The following SDK2 variants were observed in gnomAD, a reference collection of about 807,000 sequenced individuals.
SDK2 encodes the protein protein sidekick-2.
Under a neutral mutation model 253.9 loss-of-function variants are expected in SDK2, and 105 were observed. The ratio of observed to expected loss-of-function variants is 0.41; its 90% CI spans 0.35 to 0.49. SDK2 has a LOEUF of 0.49. Ranked by LOEUF, SDK2 falls within the 20% of genes least tolerant of loss-of-function variation. The pLI is 0.06. For synonymous variants in SDK2, 1,249 were observed against 1,234.9 expected, an observed-to-expected ratio of 1.01 and a Z score of -0.24; for missense variants, 2,608 against 3,003.0, an observed-to-expected ratio of 0.87 and a Z score of 3.07.
At chr17:73,483,946 G>T (rs1443421795) in intron 2 of SDK2, among the ~76,000 whole-genome samples, 2 of 151,550 alleles carry the variant, frequency 1.3e-5, no homozygotes, top group South Asian at 2.1e-4. Flanking sequence ...AGTTTAAATG[G>T]CTGGGAAAAA....
rs1179316971 is a variant in SDK2, at chr17:73,642,419, G to C, written c.64+1606C>G. ...TCCAGGCTTTTGGCTAGTAACACTG[G>C]TTGTCCCAGAGCACAACTGTGAGGC... is the stretch of plus-strand genomic sequence containing the variant. On this transcript the variant is annotated intron_variant, in intron 1 of 44. Transcript: ENST00000392650. The surrounding 1 kb of genome is among the most constrained non-coding windows in gnomAD (Gnocchi z 4.7). 6.6e-6 allele frequency among the ~76,000 whole-genome samples: 1 copy of C among 152,224 alleles called. No individual in the cohort carries two copies. The highest frequency in any genetic ancestry group is 2.4e-5 in the African/African-American group (1 of 41,454).
intron 18 of SDK2, among the ~76,000 whole-genome samples, chr17:73,413,963 G>A (rs1033360497): frequency 6.6e-6 from 1 of 152,112 alleles, no homozygotes; most frequent in Admixed American, 6.5e-5. Context: ...AAGCCCACAA[G>A]AGCCACGGTA....
chr17:73,379,499 C>T lies in SDK2; in HGVS notation c.4813G>A (p.Val1605Met). Residue 1605 changes from valine to methionine, a missense_variant, in exon 35 of 45, where the codon GTG becomes ATG. Physicochemically the swap from Val to Met is conservative, Grantham distance 21. Around this residue, in one of 2 missense-constraint regions of SDK2, gnomAD observed 1,103 missense variants for 1,143.9 expected, o/e 0.96. Transcript: ENST00000392650. The surrounding 1 kb of genome is among the most constrained non-coding windows in gnomAD (Gnocchi z 4.5). ...GGGGGGCTGGAGGGCCCCTCACCCA[C>T]AGCGTTGTACACGCTCATCCGTATC... ...YEIRMSVYNA[V>M]GEGPSSPPQE... The T allele has an allele frequency of 6.2e-7, 1 of 1,612,742 alleles. No homozygotes were observed. The highest frequency in any genetic ancestry group is 8.5e-7 in the Non-Finnish European group (1 of 1,179,382).
intron 3 of SDK2, among the ~76,000 whole-genome samples, chr17:73,462,686 T>A (rs1292571327): frequency 1.3e-5 from 2 of 152,124 alleles, no homozygotes; most frequent in Non-Finnish European, 2.9e-5. Context: ...GATGGTTGTA[T>A]GTATGCATAC....
chr17:73,572,440 C>T (rs1015662186), intron 1 of SDK2, among the ~76,000 whole-genome samples: 3 of 152,132 alleles, frequency 2.0e-5, no homozygotes, highest in African/African-American at 7.2e-5. Flanking sequence ...CATCCACCCC[C>T]ACATCCTGAT....
chr17:73,529,888 T>G (rs2064156041), intron 1 of SDK2, among the ~76,000 whole-genome samples: 1 of 152,168 alleles, frequency 6.6e-6, no homozygotes, highest in African/African-American at 2.4e-5. Context: ...GCCACCCAGT[T>G]TGTGGTATTT....
intron 1 of SDK2, among the ~76,000 whole-genome samples, chr17:73,522,333 C>T (rs1309803044): frequency 6.6e-6 from 1 of 152,222 alleles, no homozygotes; most frequent in Non-Finnish European, 1.5e-5. Context: ...CCTGGCTGCT[C>T]ATGTGCCTGG....
chr17:73,566,801 G>T (rs2045317715), intron 1 of SDK2, among the ~76,000 whole-genome samples: 1 of 151,732 alleles, frequency 6.6e-6, no homozygotes, highest in Non-Finnish European at 1.5e-5. Context: ...TCAAAATGTG[G>T]CCTGGGTGCT....
intron 1 of SDK2, among the ~76,000 whole-genome samples, chr17:73,607,473 T>A (rs910954991): frequency 6.6e-6 from 1 of 152,042 alleles, no homozygotes; most frequent in Admixed American, 6.6e-5. Flanking sequence ...AAGACAAAGA[T>A]TGCTGCCCCT....
chr17:73,405,313 G>A (rs2063062703), intron 18 of SDK2, among the ~76,000 whole-genome samples: 2 of 127,490 alleles, frequency 1.6e-5, no homozygotes. Flanking sequence ...GGTGGCTGGC[G>A]CCTGTAATCC....
chr17:73,479,355 G>A (rs568852984), intron 2 of SDK2, among the ~76,000 whole-genome samples: 1 of 152,356 alleles, frequency 6.6e-6, no homozygotes, highest in South Asian at 2.1e-4. Flanking sequence ...GTGTGTGTGT[G>A]TGTGTCCTCA....
chr17:73,452,175 G>A (rs887360234), intron 4 of SDK2, among the ~76,000 whole-genome samples: 4 of 152,144 alleles, frequency 2.6e-5, no homozygotes, highest in Admixed American at 2.6e-4. Context: ...TGTCTCCTTT[G>A]CAACAATGAG....
chr17:73,462,716 G>A (rs1038685242), intron 3 of SDK2, among the ~76,000 whole-genome samples: 2 of 152,074 alleles, frequency 1.3e-5, no homozygotes, highest in African/African-American at 4.8e-5. Flanking sequence ...TATATGGTGA[G>A]GTGGATGGAA....
At position 73,348,718 on chromosome 17, in the gene SDK2, G is replaced by A; in HGVS notation, c.6046C>T (p.Pro2016Ser). Residue 2016 changes from proline (P) to serine (S), a missense_variant, in exon 44 of 45, where the codon CCC becomes TCC. Physicochemically the swap from Pro to Ser is moderately conservative, Grantham distance 74 (BLOSUM62 -1). Transcript: ENST00000392650. The stretch of plus-strand genomic sequence containing the variant: ...TGCAGGCTGCCTGGGCTGGGCCTGG[G>A]GGGAGACCTGGAGAGAGCGGGGGAG... ...RKNGLYTRSP[P>S]RPSPGSLHYS... The A allele has an allele frequency of 6.2e-7, 1 of 1,606,188 alleles. No homozygotes were observed. Among genetic ancestry groups the A allele is most frequent in the African/African-American group, 1.3e-5 (1 of 74,904 alleles).
rs1167742792 is a variant in SDK2, at chr17:73,618,597, T to C, written c.64+25428A>G. The stretch of plus-strand genomic sequence containing the variant: ...TCTGCCCCATGAACAGGAAGGGTGT[T>C]TCCCTTTGGAATCTAGAGTCCACGT... On this transcript the variant is annotated intron_variant, in intron 1 of 44. Coordinates refer to ENST00000392650, the MANE Select transcript of SDK2 (RefSeq NM_001144952.2). The surrounding 1 kb of genome is among the most constrained non-coding windows in gnomAD (Gnocchi z 4.1). 6.6e-6 allele frequency among the ~76,000 whole-genome samples: 1 copy of C among 152,158 alleles called. No individual in the cohort carries two copies. The highest frequency in any genetic ancestry group is 1.5e-5 in the Non-Finnish European group (1 of 68,024).
At chr17:73,451,952 C>T (rs1352211424) in intron 4 of SDK2, among the ~76,000 whole-genome samples, 3 of 152,058 alleles carry the variant, frequency 2.0e-5, no homozygotes, top group Non-Finnish European at 4.4e-5. Flanking sequence ...GGCTGGATTC[C>T]ATTTTTCAGC....
At chr17:73,411,952 G>T (rs1417674268) in intron 18 of SDK2, among the ~76,000 whole-genome samples, 5 of 106,492 alleles carry the variant, frequency 4.7e-5, no homozygotes, top group Admixed American at 3.1e-4. Flanking sequence ...TTGTGTGTTT[G>T]TGTATATATA....
chr17:73,568,792 A>G (rs1342018772), intron 1 of SDK2, among the ~76,000 whole-genome samples: 1 of 151,784 alleles, frequency 6.6e-6, no homozygotes, highest in Non-Finnish European at 1.5e-5. Flanking sequence ...TACAAGGAGA[A>G]GAGTCGTTAA....
intron 25 of SDK2, 39 bp from the exon 26 acceptor site, chr17:73,394,363 C>T: frequency 7.3e-7 from 1 of 1,377,460 alleles, no homozygotes; most frequent in Non-Finnish European, 9.8e-7. Context: ...CACTCAGGAC[C>T]CAACGTTGAC....
Sources: gnomAD v4.1 joint callset for allele counts (sites outside exome capture counted in the v4.1 genomes callset) on GRCh38, gnomAD v4.1.1 for gene constraint, gnomAD v4.1.1 regional missense constraint, Gnocchi (gnomAD v3.1) non-coding constraint, MANE v1.5 for transcripts, NCBI Gene and HGNC (gene_info 2026-07-23, HGNC 2026-07-21) for gene names.